CNBD1: variants seen among roughly 807,000 people sequenced by gnomAD.
The protein encoded by CNBD1 is cyclic nucleotide binding domain containing 1.
CNBD1 carries 71 observed loss-of-function variants against 54.4 expected under a neutral mutation model. The observed-to-expected ratio is 1.30, with a 90% confidence interval of 1.08 to 1.59. CNBD1 has a LOEUF of 1.59. Among genes scored for constraint, CNBD1 ranks in the 40% most tolerant of loss-of-function variants. The pLI is 0.00. For missense variants in CNBD1, 659 were observed against 518.0 expected, an observed-to-expected ratio of 1.27 and a Z score of -2.64; for synonymous variants, 182 against 170.7, an observed-to-expected ratio of 1.07 and a Z score of -0.51.
At chr8:87,294,811 AT>A (rs995916882) in intron 8 of CNBD1, among the ~76,000 whole-genome samples, 1 of 151,946 alleles carries the variant, frequency 6.6e-6, no homozygotes, top group Non-Finnish European at 1.5e-5. Flanking sequence ...TGTAATATAT[AT>A]TTTTTTACTA....
chr8:87,295,391 T>A (rs1459078566), intron 8 of CNBD1, among the ~76,000 whole-genome samples: 1 of 151,972 alleles, frequency 6.6e-6, no homozygotes, highest in Non-Finnish European at 1.5e-5. Context: ...AACAGTATAT[T>A]AGTTATGTAA....
intron 2 of CNBD1, among the ~76,000 whole-genome samples, chr8:87,402,926 G>A (rs1307082511): frequency 1.3e-5 from 2 of 152,002 alleles, no homozygotes; most frequent in Non-Finnish European, 2.9e-5. Context: ...AAGCACACAA[G>A]CATACTTAGT....
At chr8:87,335,891 G>A (rs1809936465) in intron 8 of CNBD1, among the ~76,000 whole-genome samples, 1 of 152,174 alleles carries the variant, frequency 6.6e-6, no homozygotes, top group Non-Finnish European at 1.5e-5. Flanking sequence ...CTCTTGCAAG[G>A]CAGGCCTGGT....
At chr8:86,925,186 T>C (rs551862854) in intron 3 of CNBD1, among the ~76,000 whole-genome samples, 126 of 152,284 alleles carry the variant, frequency 8.3e-4, no homozygotes, top group Middle Eastern at 3.4e-3. Flanking sequence ...GTCAGCACTC[T>C]TGGTTAGCAA....
At chr8:87,410,749 G>T (rs747926555) in intron 2 of CNBD1, among the ~76,000 whole-genome samples, 1 of 152,076 alleles carries the variant, frequency 6.6e-6, no homozygotes, top group African/African-American at 2.4e-5. Flanking sequence ...TTTGTGAAAG[G>T]AAGAGTCAGC....
intron 4 of CNBD1, among the ~76,000 whole-genome samples, chr8:86,956,116 G>T (rs1289677018): frequency 2.6e-5 from 4 of 152,064 alleles, no homozygotes; most frequent in East Asian, 1.9e-4. Context: ...GTTTTTCTCA[G>T]GTTCGTCAAA....
intron 6 of CNBD1, among the ~76,000 whole-genome samples, chr8:87,272,734 G>A (rs1030092301): frequency 6.6e-6 from 1 of 151,926 alleles, no homozygotes; most frequent in East Asian, 1.9e-4. Context: ...TCAATAGCTA[G>A]TGAACATGTG....
At position 87,245,937 on chromosome 8, in the gene CNBD1, G is replaced by A. The variant is rs112230600; in HGVS notation, c.771+8825G>A. On this transcript the variant is annotated intron_variant, in intron 6 of 10. Coordinates refer to ENST00000518476, the MANE Select transcript of CNBD1 (RefSeq NM_173538.3). ...TATGATAAGAAAACTAGTAATAATT[G>A]AGTACATACTATATGCCCATTTCAT... Among the ~76,000 whole-genome samples, 129 of 151,986 alleles carry A rather than the reference G, an allele frequency of 8.5e-4. 1 individual carries two copies. Among genetic ancestry groups the A allele is most frequent in the African/African-American group, 3.1e-3 (127 of 41,474 alleles).
intron 4 of CNBD1, among the ~76,000 whole-genome samples, chr8:87,062,467 G>T (rs1371047003): frequency 6.6e-6 from 1 of 152,152 alleles, no homozygotes; most frequent in Non-Finnish European, 1.5e-5. Flanking sequence ...GCCAGATGCA[G>T]TGGCTCACAC....
chr8:87,165,430 G>A (rs1027551810), intron 4 of CNBD1, among the ~76,000 whole-genome samples: 2 of 151,872 alleles, frequency 1.3e-5, no homozygotes, highest in Non-Finnish European at 2.9e-5. Context: ...ATACTTAGGT[G>A]TTCTGATGTT....
intron 8 of CNBD1, among the ~76,000 whole-genome samples, chr8:87,320,853 A>T (rs1205415483): frequency 6.6e-6 from 1 of 152,126 alleles, no homozygotes; most frequent in Non-Finnish European, 1.5e-5. Context: ...TATTCATTGC[A>T]CAGCAATTTC....
intron 2 of CNBD1, among the ~76,000 whole-genome samples, chr8:87,410,870 G>T (rs567559886): frequency 3.9e-5 from 6 of 152,182 alleles, no homozygotes; most frequent in Middle Eastern, 3.4e-3. Context: ...TCACATCAAG[G>T]AAAGACCCTC....
At chr8:86,960,495 C>T (rs372991549) in intron 4 of CNBD1, among the ~76,000 whole-genome samples, 2 of 152,266 alleles carry the variant, frequency 1.3e-5, no homozygotes, top group East Asian at 3.9e-4. Flanking sequence ...GAAGCTTGAA[C>T]TGGGTGGAGC....
chr8:87,161,150 T>C (rs1812849325), intron 4 of CNBD1, among the ~76,000 whole-genome samples: 1 of 152,148 alleles, frequency 6.6e-6, no homozygotes, highest in African/African-American at 2.4e-5. Context: ...TGTTGCTCTG[T>C]CATTTCCTGG....
chr8:86,991,779 T>G (rs1808755059), intron 4 of CNBD1, among the ~76,000 whole-genome samples: 1 of 152,138 alleles, frequency 6.6e-6, no homozygotes, highest in African/African-American at 2.4e-5. Context: ...CAGCCAGAAG[T>G]TATTCAGGAG....
chr8:87,262,997 G>A (rs934932433), intron 6 of CNBD1, among the ~76,000 whole-genome samples: 38 of 152,092 alleles, frequency 2.5e-4, no homozygotes, highest in African/African-American at 8.7e-4. Context: ...AGTTCATTGT[G>A]GGCGCAAGAA....
intron 4 of CNBD1, among the ~76,000 whole-genome samples, chr8:87,041,633 C>T (rs575171203): frequency 1.3e-5 from 2 of 152,166 alleles, no homozygotes; most frequent in East Asian, 1.9e-4. Flanking sequence ...CCCGTCTCTA[C>T]TAAAAAATAC....
intron 5 of CNBD1, among the ~76,000 whole-genome samples, chr8:87,235,603 T>C (rs940588207): frequency 3.3e-5 from 5 of 152,132 alleles, no homozygotes; most frequent in African/African-American, 9.7e-5. Context: ...TATATGTGCA[T>C]AGTTTGCGGT....
chr8:87,404,335 C>A (rs1383397858), intron 2 of CNBD1, among the ~76,000 whole-genome samples: 2 of 151,994 alleles, frequency 1.3e-5, no homozygotes, highest in Non-Finnish European at 2.9e-5. Context: ...TTCATCATTG[C>A]CATGTTACCT....
Sources: allele counts gnomAD v4.1 joint callset (sites outside exome capture counted in the v4.1 genomes callset), GRCh38; gene constraint gnomAD v4.1.1; transcripts MANE v1.5; gene names NCBI Gene and HGNC (gene_info 2026-07-23, HGNC 2026-07-21).